The following ZC3H12B variants were observed in gnomAD, a reference collection of about 807,000 sequenced individuals.
ZC3H12B encodes the protein probable ribonuclease ZC3H12B.
In ZC3H12B, 7 loss-of-function variants were observed where a neutral mutation model predicts 43.9. The observed-to-expected ratio is 0.16, with a 90% CI of 0.09 to 0.30. The LOEUF (loss-of-function observed/expected upper bound fraction) is 0.30. ZC3H12B is among the 10% of genes least tolerant of loss of function. The pLI, the probability that ZC3H12B is intolerant of heterozygous loss-of-function variation, is 1.00. For missense variants in ZC3H12B, 475 were observed against 670.2 expected (o/e 0.71, Z 3.22); for synonymous variants, 222 against 241.7 (o/e 0.92, Z 0.76).
chrX:65,501,155 C>G (rs1254311820), intron 4 of ZC3H12B, among the ~76,000 whole-genome samples: 8 of 109,466 alleles, frequency 7.3e-5, no homozygotes, highest in Non-Finnish European at 1.5e-4. Context: ...ATGCTGCTTT[C>G]TGTTACTCTA....
chrX:65,477,688 G>T (rs1398330156), intron 3 of ZC3H12B, among the ~76,000 whole-genome samples: 1 of 110,295 alleles, frequency 9.1e-6, no homozygotes, highest in East Asian at 2.8e-4. Flanking sequence ...CTTGAACACG[G>T]GAGGCGGAGG....
the ZC3H12B span, among the ~76,000 whole-genome samples, chrX:65,281,417 C>T: frequency 9.1e-6 from 1 of 110,186 alleles, no homozygotes; most frequent in Non-Finnish European, 1.9e-5. Flanking sequence ...GACAGGGTTA[C>T]GTCATGTAAG....
At chrX:65,317,116 C>T in the ZC3H12B span, among the ~76,000 whole-genome samples, 2 of 110,230 alleles carry the variant, frequency 1.8e-5, no homozygotes, top group Non-Finnish European at 1.9e-5. Context: ...ATATATGTAC[C>T]CATCACAGGA....
At chrX:65,285,845 C>A in the ZC3H12B span, among the ~76,000 whole-genome samples, 1 of 111,219 alleles carries the variant, frequency 9.0e-6, no homozygotes, top group African/African-American at 3.3e-5. Flanking sequence ...TACCAATCCA[C>A]AATGGCAATA....
At chrX:65,330,213 A>G in the ZC3H12B span, among the ~76,000 whole-genome samples, 1 of 110,987 alleles carries the variant, frequency 9.0e-6, no homozygotes, top group Admixed American at 9.6e-5. Flanking sequence ...TTTGTCTGTT[A>G]TTGGTGTATA....
intron 3 of ZC3H12B, among the ~76,000 whole-genome samples, chrX:65,458,062 T>TTA (rs1204688780): frequency 5.0e-4 from 8 of 15,869 alleles, no homozygotes; most frequent in African/African-American, 1.9e-3. Flanking sequence ...GAATGATCAA[T>TTA]AAAAAAAAAA....
At chrX:65,207,010 A>G in the ZC3H12B span, among the ~76,000 whole-genome samples, 1 of 108,771 alleles carries the variant, frequency 9.2e-6, no homozygotes, top group Non-Finnish European at 1.9e-5. Flanking sequence ...AAAAAAAAAT[A>G]ATATTGGTGT....
chrX:65,272,673 T>C, the ZC3H12B span: 14 of 111,817 alleles, frequency 1.3e-4, no homozygotes, highest in African/African-American at 4.2e-4. Context: ...GAGCTCTTAT[T>C]ATAAGATATG....
chrX:65,288,321 C>A, the ZC3H12B span, among the ~76,000 whole-genome samples: 1 of 110,554 alleles, frequency 9.0e-6, no homozygotes, highest in Non-Finnish European at 1.9e-5. Context: ...CAGCAATTAC[C>A]CTGAGGCAAA....
the ZC3H12B span, among the ~76,000 whole-genome samples, chrX:65,196,848 A>AG: frequency 9.0e-6 from 1 of 111,729 alleles, no homozygotes; most frequent in African/African-American, 3.3e-5. Flanking sequence ...TCCAATAGAC[A>AG]GGAAAAAAGA....
chrX:65,212,377 T>G, the ZC3H12B span, among the ~76,000 whole-genome samples: 2 of 53,454 alleles, frequency 3.7e-5, no homozygotes, highest in African/African-American at 1.5e-4. Flanking sequence ...TTACATATTG[T>G]ATAATATGTA....
At chrX:65,103,714 G>A in the ZC3H12B span, among the ~76,000 whole-genome samples, 4 of 111,439 alleles carry the variant, frequency 3.6e-5, no homozygotes, top group African/African-American at 6.5e-5. Flanking sequence ...CATGGCTTCA[G>A]CCAGTCCCTC....
the ZC3H12B span, among the ~76,000 whole-genome samples, chrX:65,063,760 G>A: frequency 8.9e-6 from 1 of 112,195 alleles, no homozygotes; most frequent in East Asian, 2.8e-4. Context: ...ACCTCTGGTA[G>A]AAATTGGCTG....
chrX:65,378,310 G>A (rs2066377835), intron 2 of ZC3H12B, among the ~76,000 whole-genome samples: 1 of 111,348 alleles, frequency 9.0e-6, no homozygotes, highest in African/African-American at 3.3e-5. Flanking sequence ...AGATTAAAAA[G>A]ACGAGATTAA....
In ZC3H12B at chrX:65,453,739, A is replaced by C. The variant is rs371462583; in HGVS notation, n.408-34907A>C. ...GTGAGACCATGTCACACACACACAA[A>C]AAGGAATAAAATAATGGCATTTGCA... On this transcript the variant is annotated intron_variant and non_coding_transcript_variant, in intron 3 of 5. Coordinates refer to the ZC3H12B transcript ENST00000617377. Among the ~76,000 whole-genome samples the C allele has an allele frequency of 2.7e-5, 3 of 110,167 alleles. No individual in the cohort carries two copies. The East Asian group carries it at 8.7e-4, about 32-fold the overall frequency.
the ZC3H12B span, among the ~76,000 whole-genome samples, chrX:65,073,277 G>A: frequency 8.9e-6 from 1 of 112,809 alleles, no homozygotes; most frequent in Non-Finnish European, 1.9e-5. Context: ...GCAAAGCAAT[G>A]TTGGGGTGGC....
At chrX:65,066,082 G>A in the ZC3H12B span, among the ~76,000 whole-genome samples, 2 of 109,074 alleles carry the variant, frequency 1.8e-5, no homozygotes, top group African/African-American at 3.3e-5. Context: ...GCATTGAGTT[G>A]AAACATGCTC....
chrX:65,228,914 C>A, the ZC3H12B span, among the ~76,000 whole-genome samples: 1 of 112,041 alleles, frequency 8.9e-6, no homozygotes, highest in African/African-American at 3.2e-5. Context: ...ACATTCCATG[C>A]TCATGGGTGG....
At chrX:65,226,294 T>C in the ZC3H12B span, among the ~76,000 whole-genome samples, 2 of 110,786 alleles carry the variant, frequency 1.8e-5, no homozygotes, top group South Asian at 7.6e-4. Context: ...GAAGGAGAAA[T>C]AAAATCCTTT....
Sources: gnomAD v4.1 joint callset for allele counts (sites outside exome capture counted in the v4.1 genomes callset) on GRCh38, gnomAD v4.1.1 for gene constraint, MANE v1.5 for transcripts, NCBI Gene and HGNC (gene_info 2026-07-23, HGNC 2026-07-21) for gene names.